Variants in MDM2 observed in about 807,000 individuals in gnomAD.
MDM2 encodes MDM2 proto-oncogene.
MDM2 carries 11 observed loss-of-function variants against 64.3 expected under a neutral mutation model. The observed-to-expected ratio is 0.17, with a 90% CI of 0.11 to 0.28. MDM2 has a LOEUF of 0.28. Among genes scored for constraint, MDM2 ranks in the 10% least tolerant of loss-of-function variants. The pLI is 1.00. For missense variants in MDM2, 388 were observed against 577.1 expected, an observed-to-expected ratio of 0.67 and a Z score of 3.36; for synonymous variants, 194 against 192.9, an observed-to-expected ratio of 1.01 and a Z score of -0.05.
intron 8 of MDM2, among the ~76,000 whole-genome samples, chr12:68,829,958 G>A (rs1394238670): frequency 6.6e-6 from 1 of 152,174 alleles, no homozygotes; most frequent in East Asian, 1.9e-4. Flanking sequence ...TGTTTTGTAT[G>A]TCTTTAATCA....
At chr12:68,813,038 A>G (rs1180284816) in intron 2 of MDM2, among the ~76,000 whole-genome samples, 1 of 151,892 alleles carries the variant, frequency 6.6e-6, no homozygotes, top group East Asian at 1.9e-4. Flanking sequence ...TAGACTAACT[A>G]AGAGGCAGCA....
At chr12:68,809,031 A>G in intron 1 of MDM2, 177 bp from the exon 2 acceptor site, 1 of 1,485,410 alleles carries the variant, frequency 6.7e-7, no homozygotes, top group Non-Finnish European at 8.9e-7. Context: ...TTCAGTGGCG[A>G]TTGGAGGGTA....
Position 68,844,614 on chromosome 12 carries a change from C to A in MDM2, c.*4765C>A, listed in dbSNP as rs1301484423. The A allele has an allele frequency of 1.3e-5, 3 of 227,012 alleles. No homozygotes were observed. Among genetic ancestry groups the A allele is most frequent in the Non-Finnish European group, 2.6e-5 (3 of 114,286 alleles). 14.1% of individuals were successfully genotyped at this position (227,012 alleles called of 1,614,324 possible). ...TTTGAAAGTTCCACCAAGCTGGGAA[C>A]CTCTTGATTGTGAGGCACAAATGTA... On this transcript the variant is annotated 3_prime_UTR_variant, in exon 11 of 11. Transcript: ENST00000258149.
intron 7 of MDM2, among the ~76,000 whole-genome samples, chr12:68,827,009 T>C (rs1440537120): frequency 6.6e-6 from 1 of 152,076 alleles, no homozygotes; most frequent in African/African-American, 2.4e-5. Flanking sequence ...ACCCCGTCTC[T>C]ACTAAAAATA....
At position 68,816,984 on chromosome 12, in the gene MDM2, G is replaced by C. The variant is rs751597055; in HGVS notation, c.308+39G>C. The stretch of plus-strand genomic sequence containing the variant: ...TTAGTCCATTGTAAAAAGCCATCTG[G>C]GCTAACATTTCAGTTCACCTCTACC... On this transcript the variant is annotated intron_variant, in intron 4 of 10. Coordinates refer to ENST00000258149, the MANE Select transcript of MDM2 (RefSeq NM_002392.6). The C allele has an allele frequency of 9.7e-5, 155 of 1,600,602 alleles. 1 individual carries two copies. In the South Asian group the frequency reaches 1.6e-3, roughly 17 times the overall value.
At chr12:68,818,643 T>C (rs1488718700) in intron 4 of MDM2, among the ~76,000 whole-genome samples, 2 of 149,936 alleles carry the variant, frequency 1.3e-5, no homozygotes, top group Non-Finnish European at 3.0e-5. Flanking sequence ...TTAATATCCA[T>C]ATATGTTGTC....
intron 2 of MDM2, among the ~76,000 whole-genome samples, chr12:68,810,436 C>T (rs904865064): frequency 1.3e-5 from 2 of 152,020 alleles, no homozygotes; most frequent in African/African-American, 4.8e-5. Flanking sequence ...CCTGCCAATA[C>T]TGAATATCAC....
At chr12:68,846,771 C>T (rs754334525), downstream of MDM2, 3 of 152,126 alleles carry the variant, frequency 2.0e-5, no homozygotes, top group Non-Finnish European at 2.9e-5. Context: ...AGTTCATAAG[C>T]TTATTGTAGT....
At chr12:68,848,525 A>AG (rs1324465049), downstream of MDM2, 2 of 152,232 alleles carry the variant, frequency 1.3e-5, no homozygotes, top group East Asian at 3.9e-4. Context: ...ATGGCAAAAA[A>AG]GAAGCATTCT....
In MDM2 at chr12:68,841,526, C is replaced by T. The variant is rs1883765936; in HGVS notation, c.*1677C>T. 2 of 209,896 alleles carry T rather than the reference C, an allele frequency of 9.5e-6. No homozygotes were observed. The highest frequency in any genetic ancestry group is 5.9e-5 in the Admixed American group (1 of 16,982). The allele number at this position is 209,896 out of a possible 1,614,324, so 13.0% of individuals were successfully genotyped here. A position where few individuals can be genotyped will look rare whatever the true frequency, so the allele number is the denominator to read the frequency against. ...CAAAACTTGTTAAAGCCTCCTGAGTCTAACCTAGATTACATCAGGCCCTTT... is the reference window on the plus strand; with the variant it reads ...CAAAACTTGTTAAAGCCTCCTGAGTTTAACCTAGATTACATCAGGCCCTTT... On this transcript the variant is annotated 3_prime_UTR_variant, in exon 11 of 11. Coordinates refer to ENST00000258149, the MANE Select transcript of MDM2 (RefSeq NM_002392.6).
At chr12:68,831,603 G>A (rs909231853) in intron 8 of MDM2, among the ~76,000 whole-genome samples, 13 of 152,094 alleles carry the variant, frequency 8.5e-5, no homozygotes, top group Non-Finnish European at 1.6e-4. Context: ...TAAGAGCCAG[G>A]GCTTTTATGC....
rs1565730365 is a variant in MDM2 at position 68,808,949 on chromosome 12, TG to T, written c.15-258del. ...GTCAAGTTCAGACACGTTCCGAAAC[TG>T]CAGTAAAAGGAGTTAAGTCCTGACT... On this transcript the variant is annotated intron_variant, in intron 1 of 10. Transcript: ENST00000258149. 9.4e-6 allele frequency: 13 copies of T among 1,384,292 alleles called. No individual in the cohort carries two copies. The South Asian group carries it at 1.9e-4, about 20-fold the overall frequency. The allele number at this position is 1,384,292 out of a possible 1,614,324, so 85.8% of individuals were successfully genotyped here.
chr12:68,824,476 T>C (rs764246170), intron 6 of MDM2, 46 bp downstream of exon 6: 2 of 1,598,346 alleles, frequency 1.3e-6, no homozygotes, highest in African/African-American at 1.3e-5. Flanking sequence ...TATTTGCAAA[T>C]TGGAAAGGTT....
chr12:68,827,839 G>A (rs962790211), intron 7 of MDM2, among the ~76,000 whole-genome samples: 2 of 152,118 alleles, frequency 1.3e-5, no homozygotes, highest in African/African-American at 4.8e-5. Flanking sequence ...TAAAATATAG[G>A]GTACTGAAGA....
intron 4 of MDM2, among the ~76,000 whole-genome samples, chr12:68,817,976 T>C (rs3730534): frequency 0.018 from 2,703 of 152,004 alleles, 72 homozygotes; most frequent in African/African-American, 0.06. Context: ...GTATTTTTAG[T>C]AGAGACAGGG....
chr12:68,849,828 G>C (rs1035991348), downstream of MDM2: 1 of 149,938 alleles, frequency 6.7e-6, no homozygotes. Flanking sequence ...AGCCAGGCTA[G>C]TCTCGAACTC....
At chr12:68,825,820 A>G (rs1470628708) in intron 7 of MDM2, among the ~76,000 whole-genome samples, 4 of 152,246 alleles carry the variant, frequency 2.6e-5, no homozygotes, top group Non-Finnish European at 5.9e-5. Flanking sequence ...AACCCAGACC[A>G]GAATCTCGTA....
chr12:68,820,030 T>A (rs1352073772), intron 4 of MDM2, among the ~76,000 whole-genome samples: 1 of 152,186 alleles, frequency 6.6e-6, no homozygotes, highest in Non-Finnish European at 1.5e-5. Context: ...TGCATACTCA[T>A]TTTTTGGGGG....
Position 68,840,724 on chromosome 12 carries a change from A to G in MDM2, c.*875A>G, listed in dbSNP as rs1883693629. The G allele has an allele frequency of 6.3e-6, 1 of 159,536 alleles. No individual in the cohort carries two copies. Among genetic ancestry groups the G allele is most frequent in the South Asian group, 2.2e-4 (1 of 4,610 alleles). 9.9% of individuals were successfully genotyped at this position (159,536 alleles called of 1,614,324 possible). On this transcript the variant is annotated 3_prime_UTR_variant, in exon 11 of 11. Transcript: ENST00000258149. ...TTTCACCATGTTGGCCAGGCTGGTC[A>G]CGAACTCCTGACCTCAAGTGAGGTC...
Sources: gnomAD v4.1 joint callset for allele counts (sites outside exome capture counted in the v4.1 genomes callset) on GRCh38, gnomAD v4.1.1 for gene constraint, MANE v1.5 for transcripts, NCBI Gene and HGNC (gene_info 2026-07-23, HGNC 2026-07-21) for gene names.